The following PRKCZ variants were observed in gnomAD, a reference collection of about 807,000 sequenced individuals.
PRKCZ encodes protein kinase C zeta.
A neutral mutation model predicts 79.5 loss-of-function variants in PRKCZ; 33 were observed. That is an observed-to-expected ratio of 0.41 (90% CI 0.31 to 0.55). PRKCZ has a LOEUF of 0.55. PRKCZ is among the 20% of genes least tolerant of loss of function. PRKCZ has a pLI of 0.19. For synonymous variants in PRKCZ, 342 were observed against 320.9 expected (o/e 1.07, Z -0.70); for missense variants, 578 against 813.5 (o/e 0.71, Z 3.52).
chr1:2,140,426 G>A (rs917380714), intron 5 of PRKCZ, among the ~76,000 whole-genome samples: 2 of 152,282 alleles, frequency 1.3e-5, no homozygotes, highest in African/African-American at 2.4e-5. Context: ...GCCGAGGCAG[G>A]CGGAGTGCCT....
chr1:2,098,971 G>A (rs540835428), intron 4 of PRKCZ, among the ~76,000 whole-genome samples: 45 of 152,320 alleles, frequency 3.0e-4, no homozygotes, highest in Admixed American at 6.5e-4. Context: ...GTGAGCCACC[G>A]CGCCGGGCCC....
chr1:2,088,840 A>G (rs1664982390), intron 4 of PRKCZ, among the ~76,000 whole-genome samples: 1 of 152,240 alleles, frequency 6.6e-6, no homozygotes, highest in Non-Finnish European at 1.5e-5. Flanking sequence ...TGTGAAAGCA[A>G]CACATGTTCA....
chr1:2,051,272 C>T (rs1241940238), intron 1 of PRKCZ, among the ~76,000 whole-genome samples: 1 of 152,164 alleles, frequency 6.6e-6, no homozygotes, highest in African/African-American at 2.4e-5. Flanking sequence ...CCCCGGAGGC[C>T]CTTGCCTGGC....
intron 16 of PRKCZ, among the ~76,000 whole-genome samples, chr1:2,179,482 T>G (rs2100499772): frequency 6.6e-6 from 1 of 152,278 alleles, no homozygotes; most frequent in East Asian, 1.9e-4. Context: ...GAGTCTGAGA[T>G]TTGAAGCGAT....
At chr1:2,102,610 G>A (rs573812876) in intron 4 of PRKCZ, among the ~76,000 whole-genome samples, 29 of 152,176 alleles carry the variant, frequency 1.9e-4, no homozygotes, top group Non-Finnish European at 2.2e-4. Context: ...AGGATTACAG[G>A]TGTGAGCCAC....
At chr1:2,137,934 C>T (rs181190646) in intron 5 of PRKCZ, among the ~76,000 whole-genome samples, 1 of 152,332 alleles carries the variant, frequency 6.6e-6, no homozygotes, top group East Asian at 1.9e-4. Context: ...GCGAGAGTGG[C>T]CCGAAAGCCT....
At chr1:2,169,456 C>T (rs1277118507) in intron 10 of PRKCZ, 62 bp from the exon 11 acceptor site, 2 of 1,438,000 alleles carry the variant, frequency 1.4e-6, no homozygotes, top group Admixed American at 2.0e-5. Flanking sequence ...TGTGGGGCTT[C>T]TGTCTAAGGA....
At chr1:2,135,505 G>A (rs1399617335) in intron 5 of PRKCZ, among the ~76,000 whole-genome samples, 158 bp downstream of exon 5, 1 of 152,260 alleles carries the variant, frequency 6.6e-6, no homozygotes, top group Non-Finnish European at 1.5e-5. Context: ...GCAGGATGAG[G>A]CTTTGACTAG....
intron 11 of PRKCZ, among the ~76,000 whole-genome samples, chr1:2,170,112 G>C (rs1388343732): frequency 1.3e-5 from 2 of 152,144 alleles, no homozygotes; most frequent in Middle Eastern, 3.2e-3. Context: ...TCTTCACCCT[G>C]TTAGTGGCAC....
At position 2,075,997 on chromosome 1, in the gene PRKCZ, C is replaced by G. The variant is rs1275320546; in HGVS notation, c.334+16406C>G. 6.6e-6 allele frequency among the ~76,000 whole-genome samples: 1 copy of G among 152,250 alleles called. No individual in the cohort carries two copies. Among genetic ancestry groups the G allele is most frequent in the Non-Finnish European group, 1.5e-5 (1 of 68,040 alleles). On this transcript the variant is annotated intron_variant, in intron 4 of 17. Transcript: ENST00000378567. The surrounding 1 kb of genome is among the most constrained non-coding windows in gnomAD (Gnocchi z 4.8). ...ACCATCCATGGGGTCAGGCACCAAC[C>G]TCTGCTGAGGATCCCAAAATGTGGG...
intron 4 of PRKCZ, among the ~76,000 whole-genome samples, chr1:2,126,773 T>C (rs1476577099): frequency 3.9e-5 from 6 of 152,140 alleles, no homozygotes; most frequent in Admixed American, 3.9e-4. Flanking sequence ...TCACCCGGGG[T>C]TGCCTTCCCG....
intron 4 of PRKCZ, chr1:2,073,470 C>A: frequency 3.4e-6 from 1 of 296,682 alleles, no homozygotes. Flanking sequence ...GCCTGGCAGG[C>A]CAACCTGCAG....
At chr1:2,184,787 C>T in intron 17 of PRKCZ, 89 bp downstream of exon 17, 1 of 1,413,132 alleles carries the variant, frequency 7.1e-7, no homozygotes, top group Admixed American at 2.0e-5. Context: ...ACCCAGCCTG[C>T]CCTTGAGTCC....
At chr1:2,067,550 T>G (rs1432645828) in intron 4 of PRKCZ, among the ~76,000 whole-genome samples, 1 of 151,904 alleles carries the variant, frequency 6.6e-6, no homozygotes, top group African/African-American at 2.4e-5. Flanking sequence ...GGTGTTGGGG[T>G]GGAGTAATCG....
Position 2,128,549 on chromosome 1 carries a change from A to G in PRKCZ, c.335-6713A>G, listed in dbSNP as rs1674375929. On this transcript the variant is annotated intron_variant, in intron 4 of 17. Coordinates refer to ENST00000378567, the MANE Select transcript of PRKCZ (RefSeq NM_002744.6). The surrounding 1 kb of genome is among the most constrained non-coding windows in gnomAD (Gnocchi z 6.5). ...CCGTCCTAATTATAGAATCTCAAAG[A>G]CACGCACAGAGCTCCTTGAGGTTGT... is the stretch of plus-strand genomic sequence containing the variant. Among the ~76,000 whole-genome samples the G allele has an allele frequency of 6.6e-6, 1 of 152,342 alleles. No homozygotes were observed. Among genetic ancestry groups the G allele is most frequent in the South Asian group, 2.1e-4 (1 of 4,826 alleles).
At chr1:2,179,042 G>T (rs1686027293) in intron 16 of PRKCZ, among the ~76,000 whole-genome samples, 1 of 152,208 alleles carries the variant, frequency 6.6e-6, no homozygotes, top group Non-Finnish European at 1.5e-5. Context: ...CTTTCCTCCT[G>T]GAGCCTGGCC....
rs113871442 is a variant in PRKCZ, at chr1:2,155,873, T to C, written c.877-122T>C. 2.7e-4 allele frequency: 224 copies of C among 832,256 alleles called. No individual in the cohort carries two copies. The African/African-American group carries it at 3.2e-3, about 12-fold the overall frequency. 51.6% of individuals were successfully genotyped at this position (832,256 alleles called of 1,614,324 possible). A position where few individuals can be genotyped will look rare whatever the true frequency, so the allele number is the denominator to read the frequency against. ...GCAGTTCCTAATGGGTGTTTTCTTTTCCTGTCTGCATTGTCTTCCTGAAAG... is the reference window on the plus strand; with the variant it reads ...GCAGTTCCTAATGGGTGTTTTCTTTCCCTGTCTGCATTGTCTTCCTGAAAG... On this transcript the variant is annotated intron_variant, in intron 9 of 17. Coordinates refer to ENST00000378567, the MANE Select transcript of PRKCZ (RefSeq NM_002744.6).
chr1:2,088,682 C>T (rs749639185), intron 4 of PRKCZ, among the ~76,000 whole-genome samples: 86 of 152,274 alleles, frequency 5.6e-4, no homozygotes, highest in Middle Eastern at 6.8e-3. Flanking sequence ...GCTTCGGAGC[C>T]TGACCAAACC....
In PRKCZ at chr1:2,125,132, A is replaced by G. The variant is rs1226845986; in HGVS notation, c.335-10130A>G. The stretch of plus-strand genomic sequence containing the variant: ...GGGACACGGAGCTCAGCAGTGAGGA[A>G]CTCGGAGCAGCTTCTTGTTGTTGGT... On this transcript the variant is annotated intron_variant, in intron 4 of 17. Coordinates refer to ENST00000378567, the MANE Select transcript of PRKCZ (RefSeq NM_002744.6). The surrounding 1 kb of genome is among the most constrained non-coding windows in gnomAD (Gnocchi z 4.2). 6.6e-6 allele frequency among the ~76,000 whole-genome samples: 1 copy of G among 151,986 alleles called. No homozygotes were observed. The highest frequency in any genetic ancestry group is 1.5e-5 in the Non-Finnish European group (1 of 67,988).
Sources: gnomAD v4.1 joint callset for allele counts (sites outside exome capture counted in the v4.1 genomes callset) on GRCh38, gnomAD v4.1.1 for gene constraint, Gnocchi (gnomAD v3.1) non-coding constraint, MANE v1.5 for transcripts, NCBI Gene and HGNC (gene_info 2026-07-23, HGNC 2026-07-21) for gene names.